The following BCKDHB variants were observed in gnomAD, a reference collection of about 807,000 sequenced individuals.
BCKDHB encodes the protein branched chain keto acid dehydrogenase E1 subunit beta, also known as 2-oxoisovalerate dehydrogenase subunit beta, mitochondrial.
Under a neutral mutation model 48.5 loss-of-function variants are expected in BCKDHB, and 41 were observed. The ratio of observed to expected loss-of-function variants is 0.85; its 90% CI spans 0.66 to 1.10. The LOEUF (loss-of-function observed/expected upper bound fraction) is 1.10, where lower values mean the gene tolerates loss of function less well. BCKDHB is among the 50% of genes least tolerant of loss of function. The pLI, the probability that BCKDHB is intolerant of heterozygous loss-of-function variation, is 0.00. For synonymous variants in BCKDHB, 201 were observed against 174.8 expected (o/e 1.15, Z -1.18); for missense variants, 496 against 494.2 (o/e 1.00, Z -0.03).
intron 6 of BCKDHB, among the ~76,000 whole-genome samples, chr6:80,181,724 C>A (rs1375712350): frequency 6.6e-6 from 1 of 152,164 alleles, no homozygotes; most frequent in Admixed American, 6.5e-5. Flanking sequence ...AGTTGACATA[C>A]TGTCACTTCT....
chr6:80,219,372 A>G (rs535898883), intron 8 of BCKDHB, among the ~76,000 whole-genome samples: 7 of 151,820 alleles, frequency 4.6e-5, no homozygotes, highest in Non-Finnish European at 1.0e-4. Flanking sequence ...ATGCACCACT[A>G]ATTTTGTATT....
At chr6:80,203,670 T>C (rs2127827835) in intron 8 of BCKDHB, among the ~76,000 whole-genome samples, 1 of 152,226 alleles carries the variant, frequency 6.6e-6, no homozygotes, top group Admixed American at 6.6e-5. Flanking sequence ...TATATAGTCT[T>C]AATACTGTGG....
chr6:80,115,038 C>T (rs755592930), intron 1 of BCKDHB, among the ~76,000 whole-genome samples: 1 of 152,202 alleles, frequency 6.6e-6, no homozygotes, highest in African/African-American at 2.4e-5. Flanking sequence ...TTAGTTGACC[C>T]TTCCTCATCC....
intron 9 of BCKDHB, chr6:80,307,819 A>T: frequency 1.0e-6 from 1 of 985,154 alleles, no homozygotes; most frequent in Non-Finnish European, 1.2e-6. Context: ...TAATCCATTC[A>T]AATGGAATGT....
intron 9 of BCKDHB, among the ~76,000 whole-genome samples, chr6:80,315,527 C>G (rs997255549): frequency 1.3e-5 from 2 of 151,840 alleles, no homozygotes; most frequent in African/African-American, 2.4e-5. Flanking sequence ...ACTCACCCCC[C>G]TTTTGTTGCT....
intron 8 of BCKDHB, among the ~76,000 whole-genome samples, chr6:80,249,237 G>A (rs1776740100): frequency 6.6e-6 from 1 of 151,402 alleles, no homozygotes; most frequent in African/African-American, 2.4e-5. Flanking sequence ...ATGTTCCTTG[G>A]GCTAGATAAT....
At chr6:80,450,576 G>A in the BCKDHB span, among the ~76,000 whole-genome samples, 1 of 152,108 alleles carries the variant, frequency 6.6e-6, no homozygotes, top group Non-Finnish European at 1.5e-5. Context: ...AAATCTCAGA[G>A]GCACTCCCGT....
the BCKDHB span, among the ~76,000 whole-genome samples, chr6:80,389,870 A>G: frequency 2.6e-5 from 4 of 152,128 alleles, no homozygotes; most frequent in South Asian, 4.1e-4. Context: ...TCCAGGAATC[A>G]AGAGGTGGAA....
At chr6:80,224,926 A>T (rs752556487) in intron 8 of BCKDHB, among the ~76,000 whole-genome samples, 8 of 152,168 alleles carry the variant, frequency 5.3e-5, no homozygotes, top group Non-Finnish European at 1.2e-4. Flanking sequence ...GATTTTTCCC[A>T]TAAAGTGAGG....
rs560110710 is a variant in BCKDHB at position 80,230,173 on chromosome 6, G to A, written c.951+26961G>A. 3.3e-5 allele frequency among the ~76,000 whole-genome samples: 5 copies of A among 149,516 alleles called. No individual in the cohort carries two copies. The South Asian group carries it at 1.1e-3, about 32-fold the overall frequency. On this transcript the variant is annotated intron_variant, in intron 8 of 9. Coordinates refer to ENST00000320393, the MANE Select transcript of BCKDHB (RefSeq NM_183050.4). ...CCTGCCTCAGCCTCCCGAGTAGCTG[G>A]GATTACAGGCGCCCACCACCACGCC...
chr6:80,285,580 C>G (rs1041324823), intron 9 of BCKDHB, among the ~76,000 whole-genome samples: 8 of 152,012 alleles, frequency 5.3e-5, no homozygotes, highest in African/African-American at 1.9e-4. Context: ...TCTTGCTGCT[C>G]TTTCTGCCTT....
At chr6:80,380,667 T>TA in the BCKDHB span, among the ~76,000 whole-genome samples, 5 of 151,936 alleles carry the variant, frequency 3.3e-5, no homozygotes, top group African/African-American at 1.2e-4. Flanking sequence ...TGGGAGAAGA[T>TA]ATTTGCAAAT....
intron 6 of BCKDHB, among the ~76,000 whole-genome samples, chr6:80,188,550 G>T (rs1486049348): frequency 6.6e-6 from 1 of 152,048 alleles, no homozygotes. Flanking sequence ...GAGATGGGAA[G>T]ATCACTCGAG....
At chr6:80,188,512 T>C (rs937145126) in intron 6 of BCKDHB, among the ~76,000 whole-genome samples, 1 of 151,890 alleles carries the variant, frequency 6.6e-6, no homozygotes, top group Non-Finnish European at 1.5e-5. Context: ...GGTGGTGTAC[T>C]CCCATAGTGC....
intron 8 of BCKDHB, among the ~76,000 whole-genome samples, chr6:80,243,177 G>T (rs79603875): frequency 0.071 from 10,816 of 152,196 alleles, 563 homozygotes; most frequent in South Asian, 0.24. Context: ...ACCTGGTACT[G>T]AGACTAGAAG....
chr6:80,165,744 C>T lies in BCKDHB; in HGVS notation c.344-1934C>T, dbSNP rs532316258. On this transcript the variant is annotated intron_variant, in intron 3 of 9. Transcript: ENST00000320393. Reference sequence around the variant, plus strand: ...TGGATCGTCTAAAGGGTTTATCAAACTTCTCTAATTTGAAGGGTCTCAAAC... The same window carrying T: ...TGGATCGTCTAAAGGGTTTATCAAATTTCTCTAATTTGAAGGGTCTCAAAC... 4.6e-5 allele frequency among the ~76,000 whole-genome samples: 7 copies of T among 152,292 alleles called. No homozygotes were observed. The South Asian group carries it at 1.5e-3, about 32-fold the overall frequency.
At chr6:80,359,520 T>C in the BCKDHB span, among the ~76,000 whole-genome samples, 4 of 152,238 alleles carry the variant, frequency 2.6e-5, no homozygotes, top group Non-Finnish European at 4.4e-5. Flanking sequence ...AAGCTTTTAT[T>C]ATCATTTTAA....
At chr6:80,333,121 T>TAAAATAA (rs1769404672) in intron 9 of BCKDHB, among the ~76,000 whole-genome samples, 1 of 152,118 alleles carries the variant, frequency 6.6e-6, no homozygotes, top group South Asian at 2.1e-4. Flanking sequence ...TTTTCATAGG[T>TAAAATAA]ACAATAATAG....
the BCKDHB span, among the ~76,000 whole-genome samples, chr6:80,390,886 T>C: frequency 6.6e-6 from 1 of 152,062 alleles, no homozygotes; most frequent in East Asian, 1.9e-4. Flanking sequence ...CTGGGAAAGG[T>C]AGACCCACCC....
Sources: allele counts gnomAD v4.1 joint callset (sites outside exome capture counted in the v4.1 genomes callset), GRCh38; gene constraint gnomAD v4.1.1; transcripts MANE v1.5; gene names NCBI Gene and HGNC (gene_info 2026-07-23, HGNC 2026-07-21).